Variants in CSMD3 observed in about 807,000 individuals in gnomAD.
CSMD3 encodes CUB and sushi domain-containing protein 3.
A neutral mutation model predicts 435.2 loss-of-function variants in CSMD3; 177 were observed. The observed-to-expected ratio is 0.41, with a 90% CI of 0.36 to 0.46. The LOEUF is 0.46. Among genes scored for constraint, CSMD3 ranks in the 20% least tolerant of loss-of-function variants. The pLI is 0.34. For synonymous variants in CSMD3, 1,656 were observed against 1,520.5 expected (o/e 1.09, Z -2.07); for missense variants, 4,265 against 4,504.6 (o/e 0.95, Z 1.52).
At chr8:112,547,674 T>C (rs1369521857) in intron 27 of CSMD3, among the ~76,000 whole-genome samples, 2 of 151,914 alleles carry the variant, frequency 1.3e-5, no homozygotes, top group Non-Finnish European at 2.9e-5. Context: ...AGTAAGAAAA[T>C]ATTTTACTGA....
chr8:113,278,740 T>G, intron 2 of CSMD3, 36 bp from the exon 3 acceptor site: 1 of 938,758 alleles, frequency 1.1e-6, no homozygotes, highest in Non-Finnish European at 1.8e-6. Flanking sequence ...AGAGACATAA[T>G]CATTTTATCT....
At chr8:113,314,856 A>T in intron 1 of CSMD3, 63 bp from the exon 2 acceptor site, 2 of 1,136,834 alleles carry the variant, frequency 1.8e-6, no homozygotes, top group Non-Finnish European at 2.6e-6. Context: ...CCATGAGATA[A>T]TATTATTTTG....
At chr8:112,248,865 A>G (rs1383477172) in intron 63 of CSMD3, among the ~76,000 whole-genome samples, 1 of 152,146 alleles carries the variant, frequency 6.6e-6, no homozygotes, top group African/African-American at 2.4e-5. Context: ...TTGCCTCTAG[A>G]AGATCTCTTA....
At chr8:112,600,089 C>T (rs1832189303) in intron 22 of CSMD3, among the ~76,000 whole-genome samples, 1 of 151,396 alleles carries the variant, frequency 6.6e-6, no homozygotes, top group Non-Finnish European at 1.5e-5. Flanking sequence ...TGAGTCAGAA[C>T]ACCCAAAAAT....
At chr8:113,329,233 A>AAATAAATG (rs1196514500) in intron 1 of CSMD3, among the ~76,000 whole-genome samples, 146 of 151,274 alleles carry the variant, frequency 9.7e-4, no homozygotes, top group African/African-American at 3.4e-3. Context: ...ATAAATAAAT[A>AAATAAATG]AGGAATTAAC....
Position 112,573,534 on chromosome 8 carries a change from C to T in CSMD3, c.4009G>A (p.Gly1337Arg), listed in dbSNP as rs2131301133. The T allele has an allele frequency of 9.9e-6, 16 of 1,613,494 alleles. No homozygotes were observed. The highest frequency in any genetic ancestry group is 1.4e-5 in the Non-Finnish European group (16 of 1,179,604). Residue 1337 changes from glycine (G) to arginine (R), a missense_variant, in exon 24 of 71, where the codon GGG becomes AGG. Transcript: ENST00000297405. ...ACAAGTTGAAAGCCTTCATCTGTCC[C>T]TTCAGTATCGGAATTAAATTCTAGC... ...LWLEFNSDTE[G>R]TDEGFQLVYT...
At chr8:112,828,103 T>C (rs549824549) in intron 12 of CSMD3, among the ~76,000 whole-genome samples, 1 of 152,162 alleles carries the variant, frequency 6.6e-6, no homozygotes, top group Non-Finnish European at 1.5e-5. Context: ...TATAATGAAA[T>C]CTAAGCTATC....
chr8:113,288,464 T>C (rs1032053475), intron 2 of CSMD3, among the ~76,000 whole-genome samples: 1 of 151,888 alleles, frequency 6.6e-6, no homozygotes, highest in African/African-American at 2.4e-5. Context: ...ACCTTTCCAA[T>C]TTGTTCTCTT....
intron 32 of CSMD3, among the ~76,000 whole-genome samples, chr8:112,461,793 G>T (rs1563567040): frequency 6.6e-6 from 1 of 152,072 alleles, no homozygotes; most frequent in Non-Finnish European, 1.5e-5. Flanking sequence ...TCTTACTTTT[G>T]CAGAATAATA....
chr8:113,128,650 T>C (rs2091205257), intron 4 of CSMD3, among the ~76,000 whole-genome samples: 1 of 151,962 alleles, frequency 6.6e-6, no homozygotes, highest in Non-Finnish European at 1.5e-5. Context: ...AACTGCAAAA[T>C]AAATAGTTAA....
intron 3 of CSMD3, among the ~76,000 whole-genome samples, chr8:113,215,040 T>C (rs1458614547): frequency 1.3e-5 from 2 of 151,868 alleles, no homozygotes; most frequent in East Asian, 3.9e-4. Context: ...CATAGAAACA[T>C]GCTATCGTAT....
At chr8:112,953,133 C>A (rs142808605) in intron 8 of CSMD3, among the ~76,000 whole-genome samples, 3 of 151,218 alleles carry the variant, frequency 2.0e-5, no homozygotes, top group Non-Finnish European at 4.4e-5. Context: ...AGAGGGTAAG[C>A]CATTCTAATA....
intron 10 of CSMD3, among the ~76,000 whole-genome samples, chr8:112,879,893 G>C (rs1007495393): frequency 1.3e-5 from 2 of 151,910 alleles, no homozygotes; most frequent in African/African-American, 4.8e-5. Flanking sequence ...ATACAGGAAG[G>C]GGAACATCAC....
chr8:113,148,639 C>T (rs555472874), intron 4 of CSMD3, among the ~76,000 whole-genome samples: 10 of 151,704 alleles, frequency 6.6e-5, no homozygotes, highest in African/African-American at 2.2e-4. Flanking sequence ...CTAAGCCCAC[C>T]CTGATACTAT....
At position 112,599,874 on chromosome 8, in the gene CSMD3, TG is replaced by T. The variant is rs1482912307; in HGVS notation, c.3716-12640del. ...TCACACTCTGGGGACTGTGGTGGGG[TG>T]GGGGGAGGGGGGAGGGATAGCATTG... On this transcript the variant is annotated intron_variant, in intron 22 of 70. Transcript: ENST00000297405. Among the ~76,000 whole-genome samples the T allele has an allele frequency of 1.6e-4, 5 of 31,492 alleles. No homozygotes were observed. In the East Asian group the frequency reaches 2.6e-3, roughly 16 times the overall value. The allele number at this position is 31,492 out of a possible 152,430, so 20.7% of individuals were successfully genotyped here.
chr8:113,249,775 C>T (rs1441494768), intron 3 of CSMD3, among the ~76,000 whole-genome samples: 1 of 151,140 alleles, frequency 6.6e-6, no homozygotes, highest in Non-Finnish European at 1.5e-5. Flanking sequence ...CTACTCTTGC[C>T]ATAAGTCTTT....
At chr8:112,288,490 A>T (rs368429983) in intron 57 of CSMD3, among the ~76,000 whole-genome samples, 1 of 152,186 alleles carries the variant, frequency 6.6e-6, no homozygotes, top group East Asian at 1.9e-4. Context: ...TTAATTTACC[A>T]TTTCACTGCT....
chr8:112,573,449 T>C (rs2131300275), intron 24 of CSMD3, 52 bp downstream of exon 24: 1 of 1,350,558 alleles, frequency 7.4e-7, no homozygotes. Context: ...AATTATTTAA[T>C]ATACATGCAG....
intron 7 of CSMD3, among the ~76,000 whole-genome samples, chr8:112,957,735 C>A (rs1229125918): frequency 6.9e-6 from 1 of 145,382 alleles, no homozygotes; most frequent in East Asian, 2.1e-4. Flanking sequence ...TGTAAACCCA[C>A]AGCTCCCGGG....
Sources: gnomAD v4.1 joint callset for allele counts (sites outside exome capture counted in the v4.1 genomes callset) on GRCh38, gnomAD v4.1.1 for gene constraint, MANE v1.5 for transcripts, NCBI Gene and HGNC (gene_info 2026-07-23, HGNC 2026-07-21) for gene names.